The following NTRK3 variants were observed in gnomAD, a reference collection of about 807,000 sequenced individuals.
NTRK3 encodes neurotrophic receptor tyrosine kinase 3.
NTRK3 carries 24 observed loss-of-function variants against 91.7 expected under a neutral mutation model. The ratio of observed to expected loss-of-function variants is 0.26; its 90% confidence interval spans 0.19 to 0.37. NTRK3 has a LOEUF of 0.37. Among genes scored for constraint, NTRK3 ranks in the 10% least tolerant of loss-of-function variants. The pLI is 1.00. For missense variants in NTRK3, 880 were observed against 1,068.9 expected (o/e 0.82, Z 2.46); for synonymous variants, 483 against 404.0 (o/e 1.20, Z -2.34).
At chr15:88,219,971 T>C (rs931354089) in intron 3 of NTRK3, among the ~76,000 whole-genome samples, 1 of 152,206 alleles carries the variant, frequency 6.6e-6, no homozygotes, top group Non-Finnish European at 1.5e-5. Flanking sequence ...CCTCTCTTGC[T>C]TCTGCTAGCC....
chr15:88,136,062 T>A, intron 8 of NTRK3, 22 bp from the exon 9 acceptor site: 1 of 1,614,164 alleles, frequency 6.2e-7, no homozygotes, highest in Non-Finnish European at 8.5e-7. Context: ...AATAAAAAGA[T>A]AACAATCAGA....
chr15:88,161,908 T>A (rs368622592), intron 5 of NTRK3, among the ~76,000 whole-genome samples: 1 of 152,138 alleles, frequency 6.6e-6, no homozygotes, highest in African/African-American at 2.4e-5. Context: ...CCACAAGCAA[T>A]GCATTCCTGC....
At chr15:88,078,896 G>T (rs2047795242) in intron 13 of NTRK3, among the ~76,000 whole-genome samples, 1 of 152,242 alleles carries the variant, frequency 6.6e-6, no homozygotes, top group South Asian at 2.1e-4. Context: ...AGTGGCAGGG[G>T]CTTAGGTCAG....
At chr15:88,007,422 A>T (rs1457038762) in intron 14 of NTRK3, among the ~76,000 whole-genome samples, 2 of 152,168 alleles carry the variant, frequency 1.3e-5, no homozygotes, top group Non-Finnish European at 2.9e-5. Context: ...TTGGGCCAGG[A>T]TAGGACAACC....
chr15:88,105,887 T>C (rs1392416071), intron 13 of NTRK3, among the ~76,000 whole-genome samples: 1 of 152,152 alleles, frequency 6.6e-6, no homozygotes, highest in East Asian at 1.9e-4. Context: ...CGTTTACAGA[T>C]GAGGACAGCA....
chr15:88,170,011 G>A (rs961297918), intron 5 of NTRK3, among the ~76,000 whole-genome samples: 1 of 152,078 alleles, frequency 6.6e-6, no homozygotes, highest in Non-Finnish European at 1.5e-5. Flanking sequence ...TCCACCCCTA[G>A]ACTATCCCAC....
chr15:87,906,237 A>G (rs1446990454), intron 17 of NTRK3, among the ~76,000 whole-genome samples: 1 of 152,262 alleles, frequency 6.6e-6, no homozygotes, highest in African/African-American at 2.4e-5. Context: ...TCATGAGAAC[A>G]GAATAAATTA....
At chr15:88,154,707 C>T (rs1185229951) in intron 5 of NTRK3, among the ~76,000 whole-genome samples, 1 of 152,184 alleles carries the variant, frequency 6.6e-6, no homozygotes, top group African/African-American at 2.4e-5. Context: ...TGGGCTCTAC[C>T]AGGGTTTCCC....
intron 14 of NTRK3, among the ~76,000 whole-genome samples, chr15:88,015,902 C>G (rs920101519): frequency 6.6e-6 from 1 of 151,848 alleles, no homozygotes; most frequent in African/African-American, 2.4e-5. Context: ...GTGAATATAG[C>G]CTGGCCACGT....
At chr15:88,055,133 A>G (rs143847521) in intron 13 of NTRK3, among the ~76,000 whole-genome samples, 7 of 152,300 alleles carry the variant, frequency 4.6e-5, no homozygotes, top group Middle Eastern at 3.4e-3. Flanking sequence ...ATGAATGCCA[A>G]TCCCAGGCCC....
At chr15:87,864,026 C>G (rs2064598041) in exon 19 of NTRK3, 1 of 231,308 alleles carries the variant, frequency 4.3e-6, no homozygotes. Context: ...CACACAGAAT[C>G]TCAAAAAGTA....
chr15:88,133,447 C>T (rs1052640339), intron 10 of NTRK3, among the ~76,000 whole-genome samples: 1 of 152,140 alleles, frequency 6.6e-6, no homozygotes, highest in South Asian at 2.1e-4. Flanking sequence ...TAGGGTTCCC[C>T]CCTCCCTAGG....
At chr15:87,897,096 G>C (rs1388945816) in intron 17 of NTRK3, among the ~76,000 whole-genome samples, 1 of 152,100 alleles carries the variant, frequency 6.6e-6, no homozygotes, top group Non-Finnish European at 1.5e-5. Flanking sequence ...CTAGCCCCAG[G>C]ATTAGGAAAA....
At position 88,234,217 on chromosome 15, in the gene NTRK3, G is replaced by A. The variant is rs1439536028; in HGVS notation, c.248+21689C>T. On this transcript the variant is annotated intron_variant, in intron 3 of 18. Coordinates refer to ENST00000394480, the Ensembl canonical transcript of NTRK3. The surrounding 1 kb of genome is among the most constrained non-coding windows in gnomAD (Gnocchi z 6.1). Reference sequence around the variant, plus strand: ...TCAGGATCCAAGGTTGTCTCTCATCGCCCCCCGCTCGACCTTCAAAAAGCT... The same window carrying A: ...TCAGGATCCAAGGTTGTCTCTCATCACCCCCCGCTCGACCTTCAAAAAGCT... 2.6e-5 allele frequency among the ~76,000 whole-genome samples: 4 copies of A among 151,848 alleles called. No homozygotes were observed. Among genetic ancestry groups the A allele is most frequent in the Non-Finnish European group, 4.4e-5 (3 of 67,970 alleles).
In NTRK3 at chr15:87,860,251, T is replaced by C. The variant is rs369935042; in HGVS notation, c.*16684A>G. Reference sequence around the variant, plus strand: ...GGTATGGGGCCGAGACTGAAGGACATGCACAATGGGAGAAACAACCTTTGG... The same window carrying C: ...GGTATGGGGCCGAGACTGAAGGACACGCACAATGGGAGAAACAACCTTTGG... On this transcript the variant is annotated 3_prime_UTR_variant, in exon 19 of 19. Coordinates refer to ENST00000394480, the Ensembl canonical transcript of NTRK3. 6.0e-5 allele frequency: 13 copies of C among 217,656 alleles called. No homozygotes were observed. In the South Asian group the frequency reaches 2.4e-3, roughly 40 times the overall value. 13.5% of individuals were successfully genotyped at this position (217,656 alleles called of 1,614,324 possible). A position where few individuals can be genotyped will look rare whatever the true frequency, so the allele number is the denominator to read the frequency against.
At chr15:88,119,296 TTGTC>T (rs1322442375) in intron 13 of NTRK3, among the ~76,000 whole-genome samples, 1 of 152,162 alleles carries the variant, frequency 6.6e-6, no homozygotes, top group Non-Finnish European at 1.5e-5. Flanking sequence ...GGGTGGGCCT[TTGTC>T]TGCAGTCAGA....
At chr15:87,902,679 A>G (rs2066523013) in intron 17 of NTRK3, among the ~76,000 whole-genome samples, 1 of 152,188 alleles carries the variant, frequency 6.6e-6, no homozygotes, top group Non-Finnish European at 1.5e-5. Flanking sequence ...TAAAGACAGT[A>G]CATTGCCTTT....
Position 87,885,845 on chromosome 15 carries a change from A to G in NTRK3, c.2134-5417T>C, listed in dbSNP as rs11633200. On this transcript the variant is annotated intron_variant, in intron 17 of 18. Coordinates refer to ENST00000394480, the Ensembl canonical transcript of NTRK3. ...AAATAAGACACATGTTCAAGAAGCC[A>G]TCAAGAATAAGATTTAGAGATACAA... is the stretch of plus-strand genomic sequence containing the variant. 0.58 allele frequency: 240,299 copies of G among 417,606 alleles called. 72,135 individuals carry two copies. Among genetic ancestry groups the G allele is most frequent in the East Asian group, 0.64 (17,720 of 27,734 alleles). 25.9% of individuals were successfully genotyped at this position (417,606 alleles called of 1,614,324 possible). A position where few individuals can be genotyped will look rare whatever the true frequency, so the allele number is the denominator to read the frequency against.
Position 88,033,199 on chromosome 15 carries a change from TATATATATATATATATAA to T in NTRK3, c.1397-172_1397-155del, listed in dbSNP as rs1441906357. 4.5e-4 allele frequency among the ~76,000 whole-genome samples: 54 copies of T among 119,668 alleles called. 5 individuals carry two copies. The highest frequency in any genetic ancestry group is 1.7e-3 in the African/African-American group (52 of 30,596). 78.5% of individuals were successfully genotyped at this position (119,668 alleles called of 152,430 possible). A position where few individuals can be genotyped will look rare whatever the true frequency, so the allele number is the denominator to read the frequency against. ...TGTTATATATATATATATATATATA[TATATATATATATATATAA>T]ATTCAGTTGTTTGGGTTTCTGGTGT... On this transcript the variant is annotated intron_variant, in intron 13 of 18. Transcript: ENST00000394480.
Sources: allele counts gnomAD v4.1 joint callset (sites outside exome capture counted in the v4.1 genomes callset), GRCh38; gene constraint gnomAD v4.1.1; non-coding constraint Gnocchi (gnomAD v3.1); transcripts MANE v1.5; gene names NCBI Gene and HGNC (gene_info 2026-07-23, HGNC 2026-07-21).